The following CCDC91 variants were observed in gnomAD, a reference collection of about 807,000 sequenced individuals.
CCDC91 encodes the protein coiled-coil domain containing 91.
A neutral mutation model predicts 63.2 loss-of-function variants in CCDC91; 48 were observed. That is an observed-to-expected ratio of 0.76 (90% CI 0.60 to 0.97). CCDC91 has a LOEUF of 0.97. Ranked by LOEUF, CCDC91 falls within the 50% of genes least tolerant of loss-of-function variation. The probability of loss-of-function intolerance (pLI) is 0.00; values close to 1 mark genes in which losing one functional copy is unlikely to be tolerated. For missense variants in CCDC91, 500 were observed against 494.6 expected (o/e 1.01, Z -0.10); for synonymous variants, 167 against 165.8 (o/e 1.01, Z -0.06).
chr12:28,474,436 T>C (rs1314137221), intron 11 of CCDC91, among the ~76,000 whole-genome samples: 1 of 152,080 alleles, frequency 6.6e-6, no homozygotes, highest in Non-Finnish European at 1.5e-5. Context: ...TATTCTAATC[T>C]AGTGGATTGT....
At chr12:28,271,822 T>G (rs1947784328) in intron 3 of CCDC91, among the ~76,000 whole-genome samples, 1 of 150,814 alleles carries the variant, frequency 6.6e-6, no homozygotes, top group South Asian at 2.1e-4. Context: ...TATGCTATTG[T>G]GTAGCATTTT....
rs1271738809 is a variant in CCDC91, at chr12:28,344,002, A to G, written c.577-18436A>G. On this transcript the variant is annotated intron_variant, in intron 6 of 12. Coordinates refer to ENST00000536442, the MANE Select transcript of CCDC91 (RefSeq NM_018318.5). ...ATCTGAAAGATGTGATTCATATTTTATAAGTCACAAATAATTTTTTCTGGT... is the reference window on the plus strand; with the variant it reads ...ATCTGAAAGATGTGATTCATATTTTGTAAGTCACAAATAATTTTTTCTGGT... 2.6e-5 allele frequency among the ~76,000 whole-genome samples: 4 copies of G among 152,168 alleles called. No individual in the cohort carries two copies. In the East Asian group the frequency reaches 5.8e-4, roughly 22 times the overall value.
intron 3 of CCDC91, among the ~76,000 whole-genome samples, chr12:28,289,694 T>TTC (rs1949114937): frequency 1.1e-5 from 1 of 87,952 alleles, no homozygotes; most frequent in African/African-American, 3.0e-5. Context: ...TCTTTTTTTT[T>TTC]TTTTTTTTTT....
intron 12 of CCDC91, among the ~76,000 whole-genome samples, chr12:28,522,065 A>G (rs936091795): frequency 1.3e-5 from 2 of 152,190 alleles, no homozygotes; most frequent in Non-Finnish European, 2.9e-5. Flanking sequence ...AGGCTTTGGT[A>G]TCAGGATGAT....
chr12:28,429,469 A>G (rs562115294), intron 8 of CCDC91, among the ~76,000 whole-genome samples: 1 of 152,276 alleles, frequency 6.6e-6, no homozygotes, highest in East Asian at 1.9e-4. Context: ...TTAATAAGCT[A>G]GTAACATTAT....
chr12:28,331,409 A>T (rs1457175766), intron 6 of CCDC91, among the ~76,000 whole-genome samples: 1 of 152,236 alleles, frequency 6.6e-6, no homozygotes, highest in East Asian at 1.9e-4. Flanking sequence ...GACAAAATAG[A>T]AGCAAAAGTA....
At chr12:28,467,519 G>A (rs1402756553) in intron 11 of CCDC91, among the ~76,000 whole-genome samples, 3 of 151,922 alleles carry the variant, frequency 2.0e-5, no homozygotes, top group Admixed American at 6.6e-5. Context: ...AGCTGAAGAC[G>A]TCAATAGCTC....
intron 6 of CCDC91, among the ~76,000 whole-genome samples, chr12:28,352,188 G>A (rs1164599830): frequency 1.3e-5 from 2 of 152,182 alleles, no homozygotes; most frequent in South Asian, 2.1e-4. Flanking sequence ...CTTTCATTGA[G>A]TCATAATCCT....
At chr12:28,524,301 A>G (rs1941053538) in intron 12 of CCDC91, among the ~76,000 whole-genome samples, 1 of 152,122 alleles carries the variant, frequency 6.6e-6, no homozygotes, top group Non-Finnish European at 1.5e-5. Flanking sequence ...TGTCCCTTGT[A>G]TGCCAATTTT....
At position 28,395,365 on chromosome 12, in the gene CCDC91, C is replaced by T. The variant is rs1350280832; in HGVS notation, c.762+3954C>T. ...ACGTTCGACTTCACAAGTTTAACAGCTCAGTCCCAGAAGACTGACCTCACT... is the reference window on the plus strand; with the variant it reads ...ACGTTCGACTTCACAAGTTTAACAGTTCAGTCCCAGAAGACTGACCTCACT... On this transcript the variant is annotated intron_variant, in intron 8 of 12. Coordinates refer to ENST00000536442, the MANE Select transcript of CCDC91 (RefSeq NM_018318.5). Among the ~76,000 whole-genome samples, 8 of 152,316 alleles carry T rather than the reference C, an allele frequency of 5.3e-5. No homozygotes were observed. The South Asian group carries it at 6.2e-4, about 12-fold the overall frequency.
At chr12:28,532,396 A>G (rs1230418577) in intron 12 of CCDC91, among the ~76,000 whole-genome samples, 1 of 152,104 alleles carries the variant, frequency 6.6e-6, no homozygotes, top group Non-Finnish European at 1.5e-5. Flanking sequence ...TTTAATGTCT[A>G]AAAGGGATTA....
At chr12:28,520,470 AG>A (rs1474114145) in intron 12 of CCDC91, among the ~76,000 whole-genome samples, 1 of 152,160 alleles carries the variant, frequency 6.6e-6, no homozygotes, top group Non-Finnish European at 1.5e-5. Context: ...TCTGGATATT[AG>A]CCCTTTGTCA....
At chr12:28,366,445 CACCAAGT>C (rs1437729301) in intron 7 of CCDC91, among the ~76,000 whole-genome samples, 1 of 152,188 alleles carries the variant, frequency 6.6e-6, no homozygotes, top group Non-Finnish European at 1.5e-5. Flanking sequence ...ATTCTACTTC[CACCAAGT>C]ACCATAGGAA....
At chr12:28,261,538 C>T (rs1946824426) in intron 3 of CCDC91, among the ~76,000 whole-genome samples, 1 of 151,676 alleles carries the variant, frequency 6.6e-6, no homozygotes, top group Non-Finnish European at 1.5e-5. Context: ...AGATTGGAGG[C>T]TGAGAAAAAA....
At chr12:28,449,634 G>A (rs888105862) in intron 8 of CCDC91, among the ~76,000 whole-genome samples, 14 of 151,886 alleles carry the variant, frequency 9.2e-5, no homozygotes, top group Non-Finnish European at 1.9e-4. Flanking sequence ...ATATTTCTTG[G>A]ACTCATTTCA....
intron 3 of CCDC91, among the ~76,000 whole-genome samples, chr12:28,267,827 A>T (rs866651003): frequency 0.056 from 1,509 of 27,186 alleles, 294 homozygotes; most frequent in Middle Eastern, 0.071. Context: ...TATATTATTA[A>T]TATATAATTA....
chr12:28,387,911 T>C (rs182679186), intron 7 of CCDC91, among the ~76,000 whole-genome samples: 1 of 152,326 alleles, frequency 6.6e-6, no homozygotes, highest in African/African-American at 2.4e-5. Context: ...CCAGTAGTGG[T>C]ATTGCTGGAT....
chr12:28,275,168 A>C (rs1020314931), intron 3 of CCDC91, among the ~76,000 whole-genome samples: 55 of 152,180 alleles, frequency 3.6e-4, no homozygotes, highest in African/African-American at 1.2e-3. Flanking sequence ...TCAAAAAATC[A>C]ATGAATCCAG....
intron 6 of CCDC91, 66 bp from the exon 7 acceptor site, chr12:28,362,372 T>C (rs1480242445): frequency 1.7e-6 from 2 of 1,145,430 alleles, no homozygotes; most frequent in Non-Finnish European, 2.5e-6. Flanking sequence ...CAAAAGTCTA[T>C]GGTTTTATTA....
Sources: gnomAD v4.1 joint callset for allele counts (sites outside exome capture counted in the v4.1 genomes callset) on GRCh38, gnomAD v4.1.1 for gene constraint, MANE v1.5 for transcripts, NCBI Gene and HGNC (gene_info 2026-07-23, HGNC 2026-07-21) for gene names.